CCSER1: variants seen among roughly 807,000 people sequenced by gnomAD.
CCSER1 encodes coiled-coil serine rich protein 1, also known as serine-rich coiled-coil domain-containing protein 1.
Under a neutral mutation model 82.0 loss-of-function variants are expected in CCSER1, and 41 were observed. That is an observed-to-expected ratio of 0.50 (90% CI 0.39 to 0.65). The LOEUF (loss-of-function observed/expected upper bound fraction) is 0.65, where lower values mean the gene tolerates loss of function less well. Ranked by LOEUF, CCSER1 falls within the 30% of genes least tolerant of loss-of-function variation. CCSER1 has a pLI of 0.00. For synonymous variants in CCSER1, 414 were observed against 383.9 expected, an observed-to-expected ratio of 1.08 and a Z score of -0.92; for missense variants, 1,119 against 1,064.2, an observed-to-expected ratio of 1.05 and a Z score of -0.72.
intron 5 of CCSER1, among the ~76,000 whole-genome samples, chr4:90,481,336 T>C (rs1765924364): frequency 6.6e-6 from 1 of 152,178 alleles, no homozygotes; most frequent in African/African-American, 2.4e-5. Context: ...TTTGACTTCC[T>C]CTTTTCCTAA....
chr4:90,540,365 G>T (rs954636817), intron 5 of CCSER1, among the ~76,000 whole-genome samples: 1 of 151,892 alleles, frequency 6.6e-6, no homozygotes, highest in Non-Finnish European at 1.5e-5. Flanking sequence ...AATAAAACTA[G>T]ATAAGGCCTA....
chr4:90,605,210 G>C (rs1437675391), intron 5 of CCSER1, among the ~76,000 whole-genome samples: 1 of 152,146 alleles, frequency 6.6e-6, no homozygotes, highest in Non-Finnish European at 1.5e-5. Context: ...TCCGGACATA[G>C]CATCTTTAAG....
At chr4:91,405,338 C>A (rs1300499938) in intron 10 of CCSER1, among the ~76,000 whole-genome samples, 1 of 151,940 alleles carries the variant, frequency 6.6e-6, no homozygotes, top group African/African-American at 2.4e-5. Context: ...AAATGTTAGA[C>A]CTAAAACCAT....
chr4:91,408,918 G>A (rs1359251481), intron 10 of CCSER1, among the ~76,000 whole-genome samples: 1 of 152,164 alleles, frequency 6.6e-6, no homozygotes, highest in African/African-American at 2.4e-5. Context: ...ATCTAGAAAA[G>A]TAATGATAAT....
chr4:90,318,517 T>A (rs2153485338), intron 3 of CCSER1, among the ~76,000 whole-genome samples: 1 of 152,336 alleles, frequency 6.6e-6, no homozygotes. Context: ...AGTAAAAACA[T>A]AACTGTAGGA....
chr4:91,581,853 A>AC (rs1396350181), intron 10 of CCSER1, among the ~76,000 whole-genome samples: 2 of 148,958 alleles, frequency 1.3e-5, no homozygotes, highest in Admixed American at 6.9e-5. Context: ...CTAATAGTCC[A>AC]CCCCCCTCAT....
At chr4:90,370,320 A>G (rs1312561925) in intron 3 of CCSER1, 1 of 152,052 alleles carries the variant, frequency 6.6e-6, no homozygotes, top group Non-Finnish European at 1.5e-5. Context: ...AGGAAAAAGA[A>G]GGTAGCTTTC....
chr4:90,497,628 C>T lies in CCSER1; in HGVS notation c.1724+29274C>T, dbSNP rs147620591. ...AGTAGCTCAATGCAAACATATGTAA[C>T]GTGATAATAACCTAGAAATTGAATA... On this transcript the variant is annotated intron_variant, in intron 5 of 10. Coordinates refer to ENST00000509176, the MANE Select transcript of CCSER1 (RefSeq NM_001145065.2). 2.2e-4 allele frequency among the ~76,000 whole-genome samples: 34 copies of T among 152,150 alleles called. No homozygotes were observed. In the East Asian group the frequency reaches 3.5e-3, roughly 16 times the overall value.
At chr4:90,354,612 T>C (rs570786142) in intron 3 of CCSER1, among the ~76,000 whole-genome samples, 1 of 152,176 alleles carries the variant, frequency 6.6e-6, no homozygotes, top group East Asian at 1.9e-4. Flanking sequence ...ATACAATTAC[T>C]ACTTTTCAAT....
chr4:91,151,257 A>T (rs1730165391), intron 10 of CCSER1, among the ~76,000 whole-genome samples: 1 of 151,966 alleles, frequency 6.6e-6, no homozygotes, highest in Non-Finnish European at 1.5e-5. Context: ...TTATTTGCAT[A>T]GAGGTGCTTA....
chr4:90,985,289 T>C (rs1736489101), intron 9 of CCSER1, among the ~76,000 whole-genome samples: 2 of 151,720 alleles, frequency 1.3e-5, no homozygotes, highest in African/African-American at 4.8e-5. Flanking sequence ...TCTTCTTTCT[T>C]ACCTCTGTTG....
intron 1 of CCSER1, among the ~76,000 whole-genome samples, chr4:90,294,980 A>G (rs1417182002): frequency 1.3e-5 from 2 of 152,006 alleles, no homozygotes; most frequent in African/African-American, 2.4e-5. Context: ...TACCAATTTG[A>G]TTTTATTAAC....
chr4:90,826,200 T>G (rs1760418753), intron 8 of CCSER1, among the ~76,000 whole-genome samples: 2 of 152,150 alleles, frequency 1.3e-5, no homozygotes, highest in African/African-American at 4.8e-5. Context: ...AAAAATAAGT[T>G]ACCTTGAGTT....
intron 9 of CCSER1, among the ~76,000 whole-genome samples, chr4:90,936,092 G>A (rs970975161): frequency 2.6e-5 from 4 of 151,930 alleles, no homozygotes; most frequent in African/African-American, 4.8e-5. Context: ...TTTGCGCAAT[G>A]TATTTACTTT....
At chr4:91,029,166 G>A (rs941233690) in intron 9 of CCSER1, among the ~76,000 whole-genome samples, 1 of 151,656 alleles carries the variant, frequency 6.6e-6, no homozygotes, top group Non-Finnish European at 1.5e-5. Context: ...AGTTATCTGA[G>A]TTTTTTTCTC....
chr4:90,278,901 G>A (rs149598849), intron 1 of CCSER1, among the ~76,000 whole-genome samples: 1,681 of 152,172 alleles, frequency 0.011, 42 homozygotes, highest in African/African-American at 0.038. Context: ...TTCATTGGTT[G>A]TTGGCAAAAC....
At chr4:90,436,104 G>T (rs1758958776) in intron 4 of CCSER1, among the ~76,000 whole-genome samples, 1 of 151,920 alleles carries the variant, frequency 6.6e-6, no homozygotes, top group Non-Finnish European at 1.5e-5. Flanking sequence ...GCTTGACACA[G>T]ATAAAAATTA....
chr4:90,665,569 C>G (rs924526941), intron 6 of CCSER1, among the ~76,000 whole-genome samples: 2 of 152,108 alleles, frequency 1.3e-5, no homozygotes, highest in African/African-American at 4.8e-5. Flanking sequence ...GATCCACCCG[C>G]CTCGGCCTCC....
At position 90,791,132 on chromosome 4, in the gene CCSER1, G is replaced by A. The variant is rs150215032; in HGVS notation, c.2011-24630G>A. Among the ~76,000 whole-genome samples, 18 of 152,178 alleles carry A rather than the reference G, an allele frequency of 1.2e-4. No individual in the cohort carries two copies. In the East Asian group the frequency reaches 2.9e-3, roughly 25 times the overall value. On this transcript the variant is annotated intron_variant, in intron 7 of 10. Transcript: ENST00000509176. ...GAATGAGTGTTGAGCGAAGGAGGAT[G>A]CCCCTTATAAAACCATGAAATCTCA...
Sources: allele counts gnomAD v4.1 joint callset (sites outside exome capture counted in the v4.1 genomes callset), GRCh38; gene constraint gnomAD v4.1.1; transcripts MANE v1.5; gene names NCBI Gene and HGNC (gene_info 2026-07-23, HGNC 2026-07-21).